CSNK1G2: variants seen among roughly 807,000 people sequenced by gnomAD.
CSNK1G2 encodes the protein casein kinase 1 gamma 2, also known as casein kinase I isoform gamma-2.
A neutral mutation model predicts 48.0 loss-of-function variants in CSNK1G2; 11 were observed. The observed-to-expected ratio is 0.23, with a 90% CI of 0.14 to 0.38. CSNK1G2 has a LOEUF of 0.38. Among genes scored for constraint, CSNK1G2 ranks in the 10% least tolerant of loss-of-function variants. The pLI is 1.00. For missense variants in CSNK1G2, 446 were observed against 595.5 expected, an observed-to-expected ratio of 0.75 and a Z score of 2.61; for synonymous variants, 337 against 254.1, an observed-to-expected ratio of 1.33 and a Z score of -3.10.
At chr19:1,949,082 G>C (rs1177145838) in intron 1 of CSNK1G2, among the ~76,000 whole-genome samples, 1 of 152,188 alleles carries the variant, frequency 6.6e-6, no homozygotes, top group East Asian at 1.9e-4. Flanking sequence ...GGCGCCCTCA[G>C]GGCAACCTTT....
At position 1,979,842 on chromosome 19, in the gene CSNK1G2, C is replaced by T; in HGVS notation, c.1086+7C>T. ...GCCGCACAGCAAAAACCAGGTGAGG[C>T]CCGGGCGGGACCGACCGCCCCAGGG... On this transcript the variant is annotated splice_region_variant and intron_variant, in intron 10 of 11. Coordinates refer to ENST00000255641, the MANE Select transcript of CSNK1G2 (RefSeq NM_001319.7). The T allele has an allele frequency of 6.2e-7, 1 of 1,603,502 alleles. No homozygotes were observed. The highest frequency in any genetic ancestry group is 8.5e-7 in the Non-Finnish European group (1 of 1,175,748).
rs557249981 is a variant in CSNK1G2 at position 1,969,230 on chromosome 19, C to T, written c.-265-278C>T. 1.8e-3 allele frequency among the ~76,000 whole-genome samples: 230 copies of T among 129,990 alleles called. 1 individual carries two copies. Among genetic ancestry groups the T allele is most frequent in the Non-Finnish European group, 2.9e-3 (190 of 64,854 alleles). 85.3% of individuals were successfully genotyped at this position (129,990 alleles called of 152,430 possible). On this transcript the variant is annotated intron_variant, in intron 1 of 11. Transcript: ENST00000255641. ...AGTACACTCTCCCACCTGTGCCACC[C>T]ACCCACCCACCCACCCATCCCGCTT... is the stretch of plus-strand genomic sequence containing the variant.
intron 2 of CSNK1G2, among the ~76,000 whole-genome samples, chr19:1,971,148 C>T (rs979706390): frequency 3.9e-5 from 6 of 152,204 alleles, no homozygotes; most frequent in African/African-American, 1.4e-4. Flanking sequence ...GGCAGTTATG[C>T]GGCAGAAGTG....
Position 1,980,590 on chromosome 19 carries a change from T to G in CSNK1G2, c.*387T>G. ...GCCCCGCCCCGCCAGCCGCCCCCGTTAGCGTCATAAAGTCCAGCTTGTCTC... is the reference window on the plus strand; with the variant it reads ...GCCCCGCCCCGCCAGCCGCCCCCGTGAGCGTCATAAAGTCCAGCTTGTCTC... On this transcript the variant is annotated 3_prime_UTR_variant, in exon 12 of 12. Coordinates refer to ENST00000255641, the MANE Select transcript of CSNK1G2 (RefSeq NM_001319.7). 1.1e-5 allele frequency: 3 copies of G among 278,604 alleles called. No individual in the cohort carries two copies. The highest frequency in any genetic ancestry group is 3.4e-5 in the South Asian group (1 of 29,510). 17.3% of individuals were successfully genotyped at this position (278,604 alleles called of 1,614,324 possible).
chr19:1,949,999 C>T (rs541160349), intron 1 of CSNK1G2, among the ~76,000 whole-genome samples: 5 of 152,344 alleles, frequency 3.3e-5, no homozygotes, highest in East Asian at 1.9e-4. Context: ...TTCGCCACAG[C>T]GAGTTCAGAG....
At chr19:1,963,924 C>G (rs543686827) in intron 1 of CSNK1G2, among the ~76,000 whole-genome samples, 1 of 150,048 alleles carries the variant, frequency 6.7e-6, no homozygotes, top group African/African-American at 2.5e-5. Context: ...TCCAGTGATT[C>G]TCCTGCCTCA....
chr19:1,970,073 C>T (rs2015513894), intron 2 of CSNK1G2, 114 bp downstream of exon 2: 3 of 787,008 alleles, frequency 3.8e-6, no homozygotes, highest in Non-Finnish European at 5.2e-6. Flanking sequence ...GGCGGGGCCG[C>T]CCCATGTCAC....
Position 1,957,829 on chromosome 19 carries a change from G to T in CSNK1G2, c.-265-11679G>T, listed in dbSNP as rs535807410. On this transcript the variant is annotated intron_variant, in intron 1 of 11. Coordinates refer to ENST00000255641, the MANE Select transcript of CSNK1G2 (RefSeq NM_001319.7). The surrounding 1 kb of genome is among the most constrained non-coding windows in gnomAD (Gnocchi z 5.4). ...GCTCGGCGGGCGCCGTGTTTGTGGG[G>T]TGGGAGCTAGGCGGGCGCCGTTTAT... Among the ~76,000 whole-genome samples, 7 of 151,872 alleles carry T rather than the reference G, an allele frequency of 4.6e-5. No individual in the cohort carries two copies. In the South Asian group the frequency reaches 1.3e-3, roughly 27 times the overall value.
chr19:1,966,901 TGCTGTATCCCCCAG>T (rs2015381875), intron 1 of CSNK1G2, among the ~76,000 whole-genome samples: 1 of 152,128 alleles, frequency 6.6e-6, no homozygotes, highest in Non-Finnish European at 1.5e-5. Context: ...GATGGGGTCT[TGCTGTATCCCCCAG>T]GCTGGAGTGC....
chr19:1,955,627 C>A (rs537105567), intron 1 of CSNK1G2, among the ~76,000 whole-genome samples: 1 of 151,488 alleles, frequency 6.6e-6, no homozygotes, highest in South Asian at 2.1e-4. Flanking sequence ...TGTGGCTGGG[C>A]CCTCCCTCTG....
intron 1 of CSNK1G2, among the ~76,000 whole-genome samples, chr19:1,956,092 G>A (rs1279695478): frequency 6.6e-6 from 1 of 152,208 alleles, no homozygotes; most frequent in African/African-American, 2.4e-5. Context: ...CCTGCCTCCA[G>A]GTCATGGGGC....
chr19:1,970,012 C>G (rs867083937), intron 2 of CSNK1G2, 53 bp downstream of exon 2: 1 of 1,277,752 alleles, frequency 7.8e-7, no homozygotes, highest in African/African-American at 1.5e-5. Flanking sequence ...GCAGGGCCGC[C>G]CCGAGTCACC....
chr19:1,959,499 C>A (rs1048246080), intron 1 of CSNK1G2, among the ~76,000 whole-genome samples: 1 of 148,060 alleles, frequency 6.8e-6, no homozygotes, highest in African/African-American at 2.5e-5. Flanking sequence ...GCTCGGCCCC[C>A]AGCACCCGCC....
At chr19:1,967,843 T>TG (rs1377618943) in intron 1 of CSNK1G2, among the ~76,000 whole-genome samples, 9 of 45,406 alleles carry the variant, frequency 2.0e-4, no homozygotes, top group African/African-American at 7.0e-4. Flanking sequence ...GTTCTGCAGG[T>TG]GGGGCTCCTC....
intron 1 of CSNK1G2, among the ~76,000 whole-genome samples, chr19:1,944,160 TGGGTCGAGCTCTGGTGTCAGGCGTGCC>T (rs1230063249): frequency 6.6e-6 from 1 of 151,992 alleles, no homozygotes; most frequent in East Asian, 1.9e-4. Context: ...GTGCGCGTGT[TGGGTCGAGCTCTGGTGTCAGGCGTGCC>T]GGGTCCGCCT....
At chr19:1,952,887 G>T (rs1412670518) in intron 1 of CSNK1G2, 2 of 444,398 alleles carry the variant, frequency 4.5e-6, no homozygotes, top group East Asian at 1.5e-4. Context: ...CATCACAGAG[G>T]CAGGAGCTGG....
rs1469590167 is a variant in CSNK1G2, at chr19:1,957,113, G to A, written c.-265-12395G>A. ...GATTGGTGGGCGGGATTGGGCCTCTGGGGTCCCCGGCTGTGGAGAGGGCAA... is the reference window on the plus strand; with the variant it reads ...GATTGGTGGGCGGGATTGGGCCTCTAGGGTCCCCGGCTGTGGAGAGGGCAA... On this transcript the variant is annotated intron_variant, in intron 1 of 11. Coordinates refer to ENST00000255641, the MANE Select transcript of CSNK1G2 (RefSeq NM_001319.7). The surrounding 1 kb of genome is among the most constrained non-coding windows in gnomAD (Gnocchi z 5.4). Among the ~76,000 whole-genome samples, 3 of 152,178 alleles carry A rather than the reference G, an allele frequency of 2.0e-5. No individual in the cohort carries two copies. Among genetic ancestry groups the A allele is most frequent in the African/African-American group, 7.2e-5 (3 of 41,448 alleles).
chr19:1,950,171 G>T (rs989121794), intron 1 of CSNK1G2, among the ~76,000 whole-genome samples: 4 of 151,704 alleles, frequency 2.6e-5, no homozygotes, highest in Admixed American at 2.6e-4. Context: ...ACGGAGTCTC[G>T]CTCTGTCCCC....
intron 1 of CSNK1G2, among the ~76,000 whole-genome samples, chr19:1,963,842 A>AATC (rs2015279819): frequency 8.3e-6 from 1 of 121,058 alleles, no homozygotes; most frequent in Admixed American, 8.4e-5. Context: ...TTGGAGACAG[A>AATC]ATCTCGCTCT....
Sources: allele counts gnomAD v4.1 joint callset (sites outside exome capture counted in the v4.1 genomes callset), GRCh38; gene constraint gnomAD v4.1.1; non-coding constraint Gnocchi (gnomAD v3.1); transcripts MANE v1.5; gene names NCBI Gene and HGNC (gene_info 2026-07-23, HGNC 2026-07-21).